GPC5: variants seen among roughly 807,000 people sequenced by gnomAD.
GPC5 encodes the protein glypican 5, also known as glypican-5.
In GPC5, 47 loss-of-function variants were observed where a neutral mutation model predicts 53.9. The observed-to-expected ratio is 0.87, with a 90% CI of 0.69 to 1.11. The LOEUF (loss-of-function observed/expected upper bound fraction) is 1.11. GPC5 is among the 50% of genes most tolerant of loss of function. The pLI, the probability that GPC5 is intolerant of heterozygous loss-of-function variation, is 0.00. For synonymous variants in GPC5, 286 were observed against 263.3 expected, an observed-to-expected ratio of 1.09 and a Z score of -0.84; for missense variants, 748 against 713.1, an observed-to-expected ratio of 1.05 and a Z score of -0.56.
At chr13:92,611,643 T>A (rs1219841204) in intron 7 of GPC5, among the ~76,000 whole-genome samples, 1 of 152,194 alleles carries the variant, frequency 6.6e-6, no homozygotes, top group East Asian at 1.9e-4. Context: ...GACTGTTTAA[T>A]GCTCAGGACT....
At chr13:92,109,224 AC>A (rs1387363963) in intron 6 of GPC5, among the ~76,000 whole-genome samples, 1 of 150,490 alleles carries the variant, frequency 6.6e-6, no homozygotes, top group East Asian at 2.0e-4. Context: ...TCACCACCAC[AC>A]CCAGTTCCTT....
intron 7 of GPC5, among the ~76,000 whole-genome samples, chr13:92,392,646 A>T (rs895429885): frequency 1.3e-5 from 2 of 152,152 alleles, no homozygotes; most frequent in African/African-American, 2.4e-5. Context: ...ATATTTGCAA[A>T]CTATGCATCT....
chr13:91,837,173 A>G (rs2038730982), intron 5 of GPC5, among the ~76,000 whole-genome samples: 1 of 151,732 alleles, frequency 6.6e-6, no homozygotes, highest in African/African-American at 2.4e-5. Flanking sequence ...TAACTTTCCA[A>G]TAAATCAAAT....
At chr13:91,630,585 G>A (rs1408985839) in intron 2 of GPC5, among the ~76,000 whole-genome samples, 2 of 152,178 alleles carry the variant, frequency 1.3e-5, no homozygotes, top group East Asian at 3.9e-4. Flanking sequence ...GTTAACTGGA[G>A]AGACCCAGTT....
At chr13:92,319,854 T>C (rs1374250759) in intron 7 of GPC5, among the ~76,000 whole-genome samples, 3 of 152,176 alleles carry the variant, frequency 2.0e-5, no homozygotes, top group Non-Finnish European at 4.4e-5. Flanking sequence ...CCCATTCCAT[T>C]TTTTAAGTCA....
chr13:92,581,407 T>C (rs1209603945), intron 7 of GPC5, among the ~76,000 whole-genome samples: 1 of 152,216 alleles, frequency 6.6e-6, no homozygotes, highest in Non-Finnish European at 1.5e-5. Context: ...ATTTCCTTCA[T>C]TTTTAAAGCT....
intron 7 of GPC5, among the ~76,000 whole-genome samples, chr13:92,432,233 C>A (rs1215090594): frequency 6.6e-6 from 1 of 152,048 alleles, no homozygotes; most frequent in African/African-American, 2.4e-5. Context: ...TCCCTGATAT[C>A]GTACTTCTGC....
intron 5 of GPC5, among the ~76,000 whole-genome samples, chr13:91,900,790 C>T (rs1221885934): frequency 1.3e-5 from 2 of 151,964 alleles, no homozygotes; most frequent in Admixed American, 6.6e-5. Context: ...TTTGAAATGA[C>T]AGCTTCCAAA....
At chr13:92,615,620 G>A in intron 7 of GPC5, among the ~76,000 whole-genome samples, 1 of 152,126 alleles carries the variant, frequency 6.6e-6, no homozygotes, top group Admixed American at 6.6e-5. Flanking sequence ...TTCTTTAGAT[G>A]TTAAAAAATA....
At position 91,516,561 on chromosome 13, in the gene GPC5, G is replaced by A. The variant is rs529635095; in HGVS notation, c.325+67639G>A. On this transcript the variant is annotated intron_variant, in intron 2 of 7. Coordinates refer to ENST00000377067, the MANE Select transcript of GPC5 (RefSeq NM_004466.6). ...CTGGCTGCTTTCATGGGCTGGCATT[G>A]AGTGTCTGTGGGTTTTCCAGGTGCA... Among the ~76,000 whole-genome samples, 23 of 152,290 alleles carry A rather than the reference G, an allele frequency of 1.5e-4. 1 individual carries two copies. In the East Asian group the frequency reaches 4.3e-3, roughly 28 times the overall value.
intron 7 of GPC5, among the ~76,000 whole-genome samples, chr13:92,863,074 A>T (rs1045119783): frequency 6.6e-6 from 1 of 152,164 alleles, no homozygotes; most frequent in Non-Finnish European, 1.5e-5. Flanking sequence ...CCAAAGTAGC[A>T]CCTACTCAGC....
intron 3 of GPC5, among the ~76,000 whole-genome samples, chr13:91,703,348 C>T (rs2036032712): frequency 1.3e-5 from 2 of 152,090 alleles, no homozygotes; most frequent in African/African-American, 4.8e-5. Flanking sequence ...AGATAAATTC[C>T]TCCTATAACT....
At chr13:91,572,135 A>T (rs1261765452) in intron 2 of GPC5, among the ~76,000 whole-genome samples, 1 of 145,406 alleles carries the variant, frequency 6.9e-6, no homozygotes, top group African/African-American at 2.6e-5. Context: ...GTGTATATAC[A>T]CATATGTATA....
chr13:92,812,156 C>G (rs1877321680), intron 7 of GPC5, among the ~76,000 whole-genome samples: 1 of 151,846 alleles, frequency 6.6e-6, no homozygotes, highest in Non-Finnish European at 1.5e-5. Context: ...GTGCATTGAA[C>G]CTATAGATCA....
intron 6 of GPC5, among the ~76,000 whole-genome samples, chr13:92,060,287 T>C (rs989121085): frequency 2.0e-5 from 3 of 152,108 alleles, no homozygotes; most frequent in African/African-American, 7.2e-5. Context: ...AGTAGATGCC[T>C]TTTGTATTGA....
intron 6 of GPC5, among the ~76,000 whole-genome samples, chr13:92,056,323 C>T (rs552285029): frequency 6.1e-4 from 93 of 152,218 alleles, no homozygotes; most frequent in African/African-American, 2.1e-3. Context: ...TTAAGACCTC[C>T]GGGATTACAC....
chr13:91,959,914 G>A (rs2040111144), intron 6 of GPC5, among the ~76,000 whole-genome samples: 1 of 151,712 alleles, frequency 6.6e-6, no homozygotes, highest in African/African-American at 2.4e-5. Context: ...AAAACTTTAA[G>A]CAAGTTTTTA....
chr13:91,905,404 A>G (rs2039542860), intron 5 of GPC5, among the ~76,000 whole-genome samples: 1 of 152,018 alleles, frequency 6.6e-6, no homozygotes, highest in Non-Finnish European at 1.5e-5. Flanking sequence ...ATACTGCCAA[A>G]TCCCTAATGA....
intron 7 of GPC5, among the ~76,000 whole-genome samples, chr13:92,730,229 G>T (rs1594461185): frequency 6.6e-6 from 1 of 151,252 alleles, no homozygotes; most frequent in East Asian, 1.9e-4. Flanking sequence ...TAAGTTTAGA[G>T]AGAAAAATAA....
Sources: gnomAD v4.1 joint callset for allele counts (sites outside exome capture counted in the v4.1 genomes callset) on GRCh38, gnomAD v4.1.1 for gene constraint, MANE v1.5 for transcripts, NCBI Gene and HGNC (gene_info 2026-07-23, HGNC 2026-07-21) for gene names.